The following MSRB3 variants were observed in gnomAD, a reference collection of about 807,000 sequenced individuals.
The protein encoded by MSRB3 is methionine sulfoxide reductase B3.
Under a neutral mutation model 21.0 loss-of-function variants are expected in MSRB3, and 13 were observed. That is an observed-to-expected ratio of 0.62 (90% CI 0.40 to 0.98). The LOEUF (loss-of-function observed/expected upper bound fraction) is 0.98, where lower values mean the gene tolerates loss of function less well. Ranked by LOEUF, MSRB3 falls within the 50% of genes least tolerant of loss-of-function variation. MSRB3 has a pLI of 0.00. For missense variants in MSRB3, 199 were observed against 230.3 expected (o/e 0.86, Z 0.88); for synonymous variants, 87 against 88.6 (o/e 0.98, Z 0.10).
At chr12:65,330,982 TC>T (rs1464321319) in intron 4 of MSRB3, among the ~76,000 whole-genome samples, 2 of 152,144 alleles carry the variant, frequency 1.3e-5, no homozygotes, top group Non-Finnish European at 2.9e-5. Context: ...ACAGAATACA[TC>T]CGATTTGGTT....
At chr12:65,332,659 C>T (rs1329220705) in intron 4 of MSRB3, among the ~76,000 whole-genome samples, 1 of 152,128 alleles carries the variant, frequency 6.6e-6, no homozygotes, top group Non-Finnish European at 1.5e-5. Context: ...GATCATTTCC[C>T]CCACTGCTAT....
intron 4 of MSRB3, among the ~76,000 whole-genome samples, chr12:65,330,458 G>A (rs114627382): frequency 1.1e-3 from 174 of 151,946 alleles, no homozygotes; most frequent in African/African-American, 3.9e-3. Flanking sequence ...GTCTATTTTG[G>A]GAAAAATTCC....
chr12:65,389,131 A>G (rs1339172093), intron 5 of MSRB3, among the ~76,000 whole-genome samples: 1 of 152,084 alleles, frequency 6.6e-6, no homozygotes, highest in Non-Finnish European at 1.5e-5. Flanking sequence ...TGCTCTGCAG[A>G]AGTCTCACCC....
In MSRB3 at chr12:65,453,728, G is replaced by T; in HGVS notation, c.293G>T (p.Gly98Val). The change falls in exon 6 of 7, where the codon GGT becomes GTT. Residue 98 changes from glycine (G) to valine (V), a missense_variant and splice_region_variant. By Grantham distance (109) the Gly-to-Val change is moderately radical. Coordinates refer to ENST00000308259, the MANE Select transcript of MSRB3 (RefSeq NM_001031679.3). The part of the protein sequence containing the change: ...KSETKFDSGS[G>V]WPSFHDVINS... ...GATTCTTGTGCCTGCTGTGTCCCAGGTTGGCCTTCATTCCACGATGTGATC... is the reference window on the plus strand; with the variant it reads ...GATTCTTGTGCCTGCTGTGTCCCAGTTTGGCCTTCATTCCACGATGTGATC... 6.2e-7 allele frequency: 1 copy of T among 1,613,376 alleles called. No individual in the cohort carries two copies. The highest frequency in any genetic ancestry group is 1.7e-4 in the Middle Eastern group (1 of 6,060).
At chr12:65,349,534 A>G (rs1592550894) in intron 4 of MSRB3, among the ~76,000 whole-genome samples, 1 of 149,750 alleles carries the variant, frequency 6.7e-6, no homozygotes, top group Non-Finnish European at 1.5e-5. Context: ...AACAGTGTAA[A>G]AGTGTTCCTA....
chr12:65,377,951 G>A (rs1342549731), intron 5 of MSRB3, among the ~76,000 whole-genome samples: 1 of 152,194 alleles, frequency 6.6e-6, no homozygotes, highest in African/African-American at 2.4e-5. Flanking sequence ...TGTGGAAGGA[G>A]TTTGGATCCA....
At chr12:65,297,417 A>G (rs1204492182) in intron 1 of MSRB3, among the ~76,000 whole-genome samples, 1 of 152,168 alleles carries the variant, frequency 6.6e-6, no homozygotes, top group Non-Finnish European at 1.5e-5. Flanking sequence ...TCTGCATATG[A>G]GATGGAGGAT....
chr12:65,452,248 T>C (rs1004657484), intron 5 of MSRB3, among the ~76,000 whole-genome samples: 2 of 152,156 alleles, frequency 1.3e-5, no homozygotes, highest in South Asian at 4.1e-4. Flanking sequence ...GTTATGCCCT[T>C]GAAGGTTAAA....
At chr12:65,413,613 T>C (rs1880825909) in intron 5 of MSRB3, among the ~76,000 whole-genome samples, 1 of 152,228 alleles carries the variant, frequency 6.6e-6, no homozygotes, top group Admixed American at 6.5e-5. Context: ...TGCTTTACTA[T>C]GTGACAATCA....
At chr12:65,438,292 A>G (rs185725717) in intron 5 of MSRB3, among the ~76,000 whole-genome samples, 368 of 152,020 alleles carry the variant, frequency 2.4e-3, no homozygotes, top group African/African-American at 8.3e-3. Flanking sequence ...ATCAAATGGA[A>G]GAATATCTCA....
chr12:65,428,896 C>G (rs80030982), intron 5 of MSRB3, among the ~76,000 whole-genome samples: 2,956 of 152,176 alleles, frequency 0.019, 98 homozygotes, highest in African/African-American at 0.068. Context: ...TTTTTTTCCC[C>G]ATAAGATAGA....
chr12:65,446,951 AGAAT>A (rs1329960515), intron 5 of MSRB3, among the ~76,000 whole-genome samples: 1 of 152,244 alleles, frequency 6.6e-6, no homozygotes, highest in African/African-American at 2.4e-5. Flanking sequence ...CTTCATATTT[AGAAT>A]GACAGATCAT....
intron 5 of MSRB3, among the ~76,000 whole-genome samples, chr12:65,374,024 TAG>T (rs1317463723): frequency 6.6e-6 from 1 of 152,158 alleles, no homozygotes; most frequent in Non-Finnish European, 1.5e-5. Context: ...GTAGTAGAAA[TAG>T]AGTTTTGAAA....
chr12:65,350,721 T>C (rs1316940287), intron 4 of MSRB3, among the ~76,000 whole-genome samples: 6 of 134,112 alleles, frequency 4.5e-5, no homozygotes, highest in Non-Finnish European at 7.9e-5. Flanking sequence ...AAGAAGGCCA[T>C]TACATAATGG....
At chr12:65,408,380 A>T (rs1415884326) in intron 5 of MSRB3, among the ~76,000 whole-genome samples, 1 of 152,178 alleles carries the variant, frequency 6.6e-6, no homozygotes, top group African/African-American at 2.4e-5. Context: ...GGCGTGAGCC[A>T]CCGGCCTTAT....
chr12:65,353,609 CT>C (rs1210223936), intron 4 of MSRB3, among the ~76,000 whole-genome samples: 1 of 152,042 alleles, frequency 6.6e-6, no homozygotes, highest in Non-Finnish European at 1.5e-5. Context: ...TATTTTGAGC[CT>C]ATGTGTGTCT....
chr12:65,368,777 T>G (rs1878153387), intron 4 of MSRB3, among the ~76,000 whole-genome samples: 1 of 152,156 alleles, frequency 6.6e-6, no homozygotes, highest in African/African-American at 2.4e-5. Flanking sequence ...GTTAATGTCT[T>G]TTCCATATTG....
chr12:65,365,693 A>G (rs928665061), intron 4 of MSRB3, among the ~76,000 whole-genome samples: 2 of 152,226 alleles, frequency 1.3e-5, no homozygotes, highest in South Asian at 4.1e-4. Context: ...GTATAGCTAA[A>G]TAGTTAAAAC....
chr12:65,337,430 C>CAAAAA (rs780302211), intron 4 of MSRB3, among the ~76,000 whole-genome samples: 12 of 43,572 alleles, frequency 2.8e-4, no homozygotes, highest in Admixed American at 7.0e-4. Context: ...GAGACTACAT[C>CAAAAA]AAAAAAAAAA....
Sources: gnomAD v4.1 joint callset for allele counts (sites outside exome capture counted in the v4.1 genomes callset) on GRCh38, gnomAD v4.1.1 for gene constraint, MANE v1.5 for transcripts, NCBI Gene and HGNC (gene_info 2026-07-23, HGNC 2026-07-21) for gene names.